Variants in CHST12 observed in about 807,000 individuals in gnomAD.
CHST12 encodes carbohydrate sulfotransferase 12.
Under a neutral mutation model 27.9 loss-of-function variants are expected in CHST12, and 23 were observed. That is an observed-to-expected ratio of 0.82 (90% CI 0.59 to 1.17). CHST12 has a LOEUF of 1.17. Ranked by LOEUF, CHST12 falls within the 50% of genes most tolerant of loss-of-function variation. CHST12 has a pLI of 0.00. For missense variants in CHST12, 682 were observed against 603.0 expected (o/e 1.13, Z -1.37); for synonymous variants, 322 against 273.0 (o/e 1.18, Z -1.77).
At chr7:2,404,414 A>G (rs936861799) in intron 1 of CHST12, among the ~76,000 whole-genome samples, 1 of 152,176 alleles carries the variant, frequency 6.6e-6, no homozygotes, top group East Asian at 1.9e-4. Flanking sequence ...TGTTTCCAGC[A>G]TTATTAAATT....
rs1782462544 is a variant in CHST12 at position 2,435,904 on chromosome 7, T to G, written c.*2020T>G. 1 of 152,322 alleles carries G rather than the reference T, an allele frequency of 6.6e-6. No homozygotes were observed. Among genetic ancestry groups the G allele is most frequent in the Non-Finnish European group, 1.5e-5 (1 of 68,126 alleles). The allele number at this position is 152,322 out of a possible 1,614,324, so 9.4% of individuals were successfully genotyped here. On this transcript the variant is annotated 3_prime_UTR_variant, in exon 2 of 2. Coordinates refer to ENST00000618655, the MANE Select transcript of CHST12 (RefSeq NM_018641.5). Reference sequence around the variant, plus strand: ...ATCACAGCTCACTGCAGCTTCAACCTCCTGGGCTCAAGTGATCTTCCCATC... The same window carrying G: ...ATCACAGCTCACTGCAGCTTCAACCGCCTGGGCTCAAGTGATCTTCCCATC...
chr7:2,410,078 G>A (rs898766466), intron 1 of CHST12, among the ~76,000 whole-genome samples: 1 of 152,134 alleles, frequency 6.6e-6, no homozygotes, highest in Non-Finnish European at 1.5e-5. Context: ...CGCCACGCCC[G>A]GCCGAGCGCT....
At chr7:2,429,355 C>T (rs1238198502) in intron 1 of CHST12, among the ~76,000 whole-genome samples, 4 of 151,876 alleles carry the variant, frequency 2.6e-5, no homozygotes, top group Non-Finnish European at 4.4e-5. Context: ...GGATTACAAG[C>T]GTGAGCCACG....
intron 1 of CHST12, among the ~76,000 whole-genome samples, chr7:2,415,079 T>C (rs772526009): frequency 2.0e-5 from 3 of 152,206 alleles, no homozygotes; most frequent in African/African-American, 7.2e-5. Flanking sequence ...ATAAAAGTTA[T>C]ATTTGGCCAG....
intron 1 of CHST12, 72 bp downstream of exon 1, chr7:2,403,745 GCCCGGGCGGGGGT>G (rs1411162189): frequency 2.0e-5 from 3 of 152,130 alleles, no homozygotes; most frequent in Admixed American, 6.6e-5. Context: ...GGCTCCCAGG[GCCCGGGCGGGGGT>G]CCCGGGCCGC....
chr7:2,412,391 A>G (rs1781689671), intron 1 of CHST12, among the ~76,000 whole-genome samples: 1 of 152,224 alleles, frequency 6.6e-6, no homozygotes, highest in South Asian at 2.1e-4. Context: ...TGTTGACTAC[A>G]GCGATGGGAA....
Position 2,432,955 on chromosome 7 carries a change from TGGTCCCC to T in CHST12, c.318_324del (p.Trp106CysfsTer47). ...GGAGGAGAGCGTGAGAGGCTACGAC[TGGTCCCC>T]GCGCGACGCCCGGCGCAGCCCAGAC... is the stretch of plus-strand genomic sequence containing the variant. On this transcript the variant is annotated frameshift_variant, in exon 2 of 2. Coordinates refer to ENST00000618655, the MANE Select transcript of CHST12 (RefSeq NM_018641.5). LOFTEE classifies it high-confidence loss of function. 1 of 1,610,404 alleles carries T rather than the reference TGGTCCCC, an allele frequency of 6.2e-7. No homozygotes were observed. Among genetic ancestry groups the T allele is most frequent in the Non-Finnish European group, 8.5e-7 (1 of 1,178,276 alleles).
At position 2,442,814 on chromosome 7, in the gene CHST12, A is replaced by T. The variant is rs1483193205; in HGVS notation, c.*8930A>T. Reference sequence around the variant, plus strand: ...CCGCCGGAGCCCCGCCTCCCGTCAGATCAGCGGCGGCATTAGATTCTCATA... The same window carrying T: ...CCGCCGGAGCCCCGCCTCCCGTCAGTTCAGCGGCGGCATTAGATTCTCATA... On this transcript the variant is annotated 3_prime_UTR_variant, in exon 2 of 2. Transcript: ENST00000618655. The T allele has an allele frequency of 1.3e-5, 2 of 152,738 alleles. No individual in the cohort carries two copies. The highest frequency in any genetic ancestry group is 2.9e-5 in the Non-Finnish European group (2 of 68,472). 9.5% of individuals were successfully genotyped at this position (152,738 alleles called of 1,614,324 possible).
chr7:2,431,691 G>T (rs1286763744), intron 1 of CHST12, among the ~76,000 whole-genome samples: 2 of 152,246 alleles, frequency 1.3e-5, no homozygotes, highest in Admixed American at 1.3e-4. Context: ...CTGGTGCCTG[G>T]CAGGGGAATA....
chr7:2,439,747 TGGGCGCCTGTAGTCCCAGCTACTC>T lies in CHST12; in HGVS notation c.*5867_*5890del, dbSNP rs1365048409. On this transcript the variant is annotated 3_prime_UTR_variant, in exon 2 of 2. Transcript: ENST00000618655. Reference sequence around the variant, plus strand: ...CAAAAAAATTAGCCGGGCGTGGTGGTGGGCGCCTGTAGTCCCAGCTACTCGGGAGGCTGAGGCAGGAGAATGGCG... The same window carrying T: ...CAAAAAAATTAGCCGGGCGTGGTGGTGGGAGGCTGAGGCAGGAGAATGGCG... 6.7e-6 allele frequency: 1 copy of T among 149,370 alleles called. No homozygotes were observed. The highest frequency in any genetic ancestry group is 1.5e-5 in the Non-Finnish European group (1 of 67,522). 9.3% of individuals were successfully genotyped at this position (149,370 alleles called of 1,614,324 possible).
chr7:2,428,797 G>GT (rs549252233), intron 1 of CHST12, among the ~76,000 whole-genome samples: 260 of 152,316 alleles, frequency 1.7e-3, no homozygotes, highest in African/African-American at 6.0e-3. Flanking sequence ...TTAATCAGCA[G>GT]TAATAGTTGC....
chr7:2,421,662 C>A (rs1781979843), intron 1 of CHST12, among the ~76,000 whole-genome samples: 1 of 152,066 alleles, frequency 6.6e-6, no homozygotes, highest in Non-Finnish European at 1.5e-5. Context: ...TCCTCAAACT[C>A]CTGAGCTCAA....
Position 2,426,562 on chromosome 7 carries a change from C to A in CHST12, c.-77-6001C>A, listed in dbSNP as rs75033406. Among the ~76,000 whole-genome samples, 830 of 151,576 alleles carry A rather than the reference C, an allele frequency of 5.5e-3. 8 individuals carry two copies. The highest frequency in any genetic ancestry group is 0.02 in the African/African-American group (807 of 41,330). The stretch of plus-strand genomic sequence containing the variant: ...GGGGCAGGGGCGGGTAGACAGATGT[C>A]CTTGCCTTGTTCATGATCTTGGTGG... On this transcript the variant is annotated intron_variant, in intron 1 of 1. Coordinates refer to ENST00000618655, the MANE Select transcript of CHST12 (RefSeq NM_018641.5).
intron 1 of CHST12, among the ~76,000 whole-genome samples, chr7:2,413,285 G>A (rs192219653): frequency 1.3e-5 from 2 of 152,324 alleles, no homozygotes; most frequent in East Asian, 3.9e-4. Context: ...TGTGGAAATT[G>A]GTGAGAGCTG....
intron 1 of CHST12, among the ~76,000 whole-genome samples, chr7:2,429,368 G>A (rs189241821): frequency 1.3e-3 from 194 of 152,172 alleles, no homozygotes; most frequent in Non-Finnish European, 1.6e-3. Context: ...GAGCCACGAC[G>A]CCCGGCCTCT....
chr7:2,432,618 G>T lies in CHST12; in HGVS notation c.-22G>T, dbSNP rs1285759388. The T allele has an allele frequency of 6.3e-7, 1 of 1,593,638 alleles. No homozygotes were observed. Among genetic ancestry groups the T allele is most frequent in the African/African-American group, 1.3e-5 (1 of 74,570 alleles). On this transcript the variant is annotated 5_prime_UTR_variant, in exon 2 of 2. Coordinates refer to ENST00000618655, the MANE Select transcript of CHST12 (RefSeq NM_018641.5). ...AAGCTGAAGTGAGAGGCCCGGAGAG[G>T]GCCCAGCCCGCCCGGGGCAGGATGA...
intron 1 of CHST12, among the ~76,000 whole-genome samples, chr7:2,410,486 A>G (rs1781638493): frequency 6.6e-6 from 1 of 152,188 alleles, no homozygotes; most frequent in African/African-American, 2.4e-5. Context: ...AGCCTGGGTG[A>G]CACAGTGAGA....
intron 1 of CHST12, among the ~76,000 whole-genome samples, chr7:2,411,839 G>A (rs1362907920): frequency 6.6e-6 from 1 of 152,222 alleles, no homozygotes; most frequent in Non-Finnish European, 1.5e-5. Flanking sequence ...TTGGATTCTA[G>A]AGTCAAATAC....
At chr7:2,427,143 C>G (rs1439736659) in intron 1 of CHST12, among the ~76,000 whole-genome samples, 3 of 151,518 alleles carry the variant, frequency 2.0e-5, no homozygotes, top group South Asian at 4.2e-4. Flanking sequence ...CAAGATCATG[C>G]CACTGCACTC....
Sources: allele counts gnomAD v4.1 joint callset (sites outside exome capture counted in the v4.1 genomes callset), GRCh38; gene constraint gnomAD v4.1.1; transcripts MANE v1.5; gene names NCBI Gene and HGNC (gene_info 2026-07-23, HGNC 2026-07-21).